Variants in RTL4 observed in about 807,000 individuals in gnomAD.
RTL4 encodes the protein retrotransposon Gag-like protein 4.
RTL4 carries 4 observed loss-of-function variants against 5.3 expected under a neutral mutation model. The observed-to-expected ratio is 0.75, with a 90% CI of 0.37 to 1.72. The LOEUF is 1.72. Ranked by LOEUF, RTL4 falls within the 40% of genes most tolerant of loss-of-function variation. The pLI is 0.04. For synonymous variants in RTL4, 98 were observed against 87.3 expected, an observed-to-expected ratio of 1.12 and a Z score of -0.68; for missense variants, 260 against 227.1, an observed-to-expected ratio of 1.14 and a Z score of -0.93.
the RTL4 span, among the ~76,000 whole-genome samples, chrX:112,286,329 A>T: frequency 8.9e-6 from 1 of 112,087 alleles, no homozygotes; most frequent in African/African-American, 3.2e-5. Flanking sequence ...TTAGAGAGGT[A>T]GCCAGGAGCC....
the RTL4 span, among the ~76,000 whole-genome samples, chrX:112,448,367 T>C: frequency 9.0e-6 from 1 of 111,730 alleles, no homozygotes; most frequent in Non-Finnish European, 1.9e-5. Context: ...ATCTTAACCA[T>C]TGAGTCTACT....
chrX:112,409,716 A>G, the RTL4 span, among the ~76,000 whole-genome samples: 1 of 26,932 alleles, frequency 3.7e-5, no homozygotes, highest in Non-Finnish European at 8.6e-5. Flanking sequence ...GTGAGGCTCC[A>G]TCTCGAAAAA....
At chrX:112,448,971 G>T in the RTL4 span, among the ~76,000 whole-genome samples, 35 of 112,006 alleles carry the variant, frequency 3.1e-4, no homozygotes, top group African/African-American at 1.0e-3. Context: ...AATTAAGTAT[G>T]TTAAAAAGGA....
the RTL4 span, among the ~76,000 whole-genome samples, chrX:112,358,203 T>C: frequency 1.8e-5 from 2 of 110,512 alleles, no homozygotes; most frequent in Admixed American, 9.7e-5. Flanking sequence ...GGGGTTCAGG[T>C]GATCCTCCCA....
the RTL4 span, among the ~76,000 whole-genome samples, chrX:112,365,649 A>AC: frequency 9.0e-6 from 1 of 111,628 alleles, no homozygotes; most frequent in Non-Finnish European, 1.9e-5. Flanking sequence ...GATCTATCTA[A>AC]CCCATACATA....
chrX:112,297,566 A>G, the RTL4 span, among the ~76,000 whole-genome samples: 8 of 111,306 alleles, frequency 7.2e-5, 1 homozygote, highest in Admixed American at 7.6e-4. Flanking sequence ...TCATGATCCA[A>G]TCACCTCCCA....
the RTL4 span, among the ~76,000 whole-genome samples, chrX:112,325,141 A>G: frequency 9.0e-6 from 1 of 111,662 alleles, no homozygotes; most frequent in Non-Finnish European, 1.9e-5. Context: ...TGCTCGATGA[A>G]ATAAAAGAGG....
the RTL4 span, among the ~76,000 whole-genome samples, chrX:112,177,007 A>G: frequency 1.3e-4 from 14 of 106,929 alleles, no homozygotes; most frequent in Non-Finnish European, 2.5e-4. Flanking sequence ...AGAGGATTTT[A>G]TTTTTTTGTG....
chrX:112,118,166 T>C, the RTL4 span, among the ~76,000 whole-genome samples: 1 of 112,199 alleles, frequency 8.9e-6, no homozygotes, highest in Non-Finnish European at 1.9e-5. Context: ...AAACATTTAT[T>C]ACACAGCTTT....
At chrX:112,370,670 A>T in the RTL4 span, among the ~76,000 whole-genome samples, 1 of 111,041 alleles carries the variant, frequency 9.0e-6, no homozygotes, top group African/African-American at 3.3e-5. Context: ...TCTTCAGCTT[A>T]TTGTTCGCAC....
the RTL4 span, among the ~76,000 whole-genome samples, chrX:112,211,122 C>T: frequency 8.9e-6 from 1 of 111,927 alleles, no homozygotes; most frequent in Admixed American, 9.5e-5. Flanking sequence ...ATATTAGTGG[C>T]CTAGAAATAG....
At chrX:112,279,686 G>A in the RTL4 span, among the ~76,000 whole-genome samples, 1 of 111,178 alleles carries the variant, frequency 9.0e-6, no homozygotes, top group Non-Finnish European at 1.9e-5. Context: ...AAGCTAAAGG[G>A]AGAAATCAAT....
At chrX:112,350,891 T>C in the RTL4 span, among the ~76,000 whole-genome samples, 1 of 111,580 alleles carries the variant, frequency 9.0e-6, no homozygotes, top group Non-Finnish European at 1.9e-5. Flanking sequence ...ATTTTACTTA[T>C]TTCTTGCCTT....
At chrX:112,204,213 C>T in the RTL4 span, among the ~76,000 whole-genome samples, 5 of 112,106 alleles carry the variant, frequency 4.5e-5, no homozygotes, top group Non-Finnish European at 7.5e-5. Flanking sequence ...GGAACGCTTG[C>T]GCACTGTTGG....
At chrX:112,340,182 T>C in the RTL4 span, among the ~76,000 whole-genome samples, 25 of 112,677 alleles carry the variant, frequency 2.2e-4, no homozygotes, top group Non-Finnish European at 3.0e-4. Context: ...AGTTTATTTT[T>C]AGTAGTCTGA....
the RTL4 span, among the ~76,000 whole-genome samples, chrX:112,205,179 G>A: frequency 9.1e-6 from 1 of 110,073 alleles, no homozygotes; most frequent in East Asian, 2.8e-4. Context: ...ATGAGAGGAA[G>A]AGGATACAAT....
chrX:112,136,571 C>T, the RTL4 span, among the ~76,000 whole-genome samples: 56 of 111,967 alleles, frequency 5.0e-4, no homozygotes, highest in African/African-American at 1.3e-3. Flanking sequence ...ATCCCATATT[C>T]GTGGACTGTA....
At chrX:112,232,614 G>A in the RTL4 span, among the ~76,000 whole-genome samples, 1 of 111,924 alleles carries the variant, frequency 8.9e-6, no homozygotes, top group South Asian at 3.8e-4. Context: ...CTTGTGCTGA[G>A]TGTTCTGGGC....
At chrX:112,312,933 A>G in the RTL4 span, among the ~76,000 whole-genome samples, 24 of 110,770 alleles carry the variant, frequency 2.2e-4, no homozygotes, top group Non-Finnish European at 4.0e-4. Flanking sequence ...TCCAGATTCT[A>G]CATCAAAAAG....
Sources: allele counts gnomAD v4.1 joint callset (sites outside exome capture counted in the v4.1 genomes callset), GRCh38; gene constraint gnomAD v4.1.1; transcripts MANE v1.5; gene names NCBI Gene and HGNC (gene_info 2026-07-23, HGNC 2026-07-21).